Variants in FBXO46 observed in about 807,000 individuals in gnomAD.
The protein encoded by FBXO46 is F-box only protein 46.
FBXO46 carries 13 observed loss-of-function variants against 30.7 expected under a neutral mutation model. The observed-to-expected ratio is 0.42, with a 90% CI of 0.28 to 0.67. FBXO46 has a LOEUF of 0.67. Ranked by LOEUF, FBXO46 falls within the 30% of genes least tolerant of loss-of-function variation. The probability of loss-of-function intolerance (pLI) is 0.21; values close to 1 mark genes in which losing one functional copy is unlikely to be tolerated. For synonymous variants in FBXO46, 467 were observed against 385.8 expected, an observed-to-expected ratio of 1.21 and a Z score of -2.47; for missense variants, 754 against 871.5, an observed-to-expected ratio of 0.87 and a Z score of 1.70.
Position 45,724,520 on chromosome 19 carries a change from C to G in FBXO46, c.-79+6329G>C, listed in dbSNP as rs539705139. ...GCACATGGTAAGTGCTCTATTAACA[C>G]TTGTGGGCTGGGCTCTGTGGCTCAT... On this transcript the variant is annotated intron_variant, in intron 1 of 1. Coordinates refer to ENST00000317683, the MANE Select transcript of FBXO46 (RefSeq NM_001080469.2). Among the ~76,000 whole-genome samples, 36 of 152,242 alleles carry G rather than the reference C, an allele frequency of 2.4e-4. No homozygotes were observed. The East Asian group carries it at 6.6e-3, about 28-fold the overall frequency.
intron 1 of FBXO46, among the ~76,000 whole-genome samples, chr19:45,724,694 C>A (rs1001974461): frequency 6.6e-6 from 1 of 152,112 alleles, no homozygotes; most frequent in East Asian, 1.9e-4. Flanking sequence ...CTGCTCGTTA[C>A]CCAGGCTGGA....
Position 45,711,292 on chromosome 19 carries a change from G to A in FBXO46, c.*392C>T, listed in dbSNP as rs1197312655. On this transcript the variant is annotated 3_prime_UTR_variant, in exon 2 of 2. Transcript: ENST00000317683. ...ATAACAGCTCCAGCGAGAAAGAATT[G>A]GGGTGAGGGAGAGGATGGGGGCCAG... 12 of 440,610 alleles carry A rather than the reference G, an allele frequency of 2.7e-5. No individual in the cohort carries two copies. Among genetic ancestry groups the A allele is most frequent in the Non-Finnish European group, 3.5e-5 (8 of 229,116 alleles). The allele number at this position is 440,610 out of a possible 1,614,324, so 27.3% of individuals were successfully genotyped here. A position where few individuals can be genotyped will look rare whatever the true frequency, so the allele number is the denominator to read the frequency against.
At chr19:45,714,151 G>A (rs1968052168) in intron 1 of FBXO46, among the ~76,000 whole-genome samples, 1 of 151,980 alleles carries the variant, frequency 6.6e-6, no homozygotes, top group South Asian at 2.1e-4. Flanking sequence ...CAATCCAGAG[G>A]CCTTTAAACT....
At position 45,711,843 on chromosome 19, in the gene FBXO46, G is replaced by A. The variant is rs1378218745; in HGVS notation, c.1653C>T (p.Pro551=). The A allele has an allele frequency of 1.9e-5, 31 of 1,613,514 alleles. No individual in the cohort carries two copies. The highest frequency in any genetic ancestry group is 2.6e-5 in the Non-Finnish European group (31 of 1,179,774). ...GTCCGTAAGGCAGGTCATGGTGGTA[G>A]GGCTTGGGGTGCCAGCGGCAGAGCG... ...DVSLCRWHPK[P]YHHDLPYGRS... Residue 551 remains proline, a synonymous_variant, in exon 2 of 2, where the codon CCC becomes CCT. Coordinates refer to ENST00000317683, the MANE Select transcript of FBXO46 (RefSeq NM_001080469.2).
chr19:45,718,618 C>T (rs567221817), intron 1 of FBXO46, among the ~76,000 whole-genome samples: 1 of 152,134 alleles, frequency 6.6e-6, no homozygotes, highest in South Asian at 2.1e-4. Flanking sequence ...TGTTCAAATG[C>T]AGTTTTATTA....
Position 45,711,442 on chromosome 19 carries a change from T to TTAA in FBXO46, c.*241_*242insTTA. On this transcript the variant is annotated 3_prime_UTR_variant, in exon 2 of 2. Transcript: ENST00000317683. ...AATGGAGAAGAAAGTGAGATGCTGA[T>TTAA]AAAAAAAAAAAAAACACCCTTCTCA... is the stretch of plus-strand genomic sequence containing the variant. 1 of 606,566 alleles carries TTAA rather than the reference T, an allele frequency of 1.6e-6. No homozygotes were observed. The highest frequency in any genetic ancestry group is 3.0e-6 in the Non-Finnish European group (1 of 333,256). 37.6% of individuals were successfully genotyped at this position (606,566 alleles called of 1,614,324 possible).
At chr19:45,726,814 T>C (rs920884424) in intron 1 of FBXO46, among the ~76,000 whole-genome samples, 1 of 152,132 alleles carries the variant, frequency 6.6e-6, no homozygotes, top group Admixed American at 6.6e-5. Context: ...CTCAGTACCT[T>C]TTCTTGAAAG....
intron 1 of FBXO46, among the ~76,000 whole-genome samples, chr19:45,723,662 T>C (rs1968202421): frequency 6.6e-6 from 1 of 152,038 alleles, no homozygotes; most frequent in Non-Finnish European, 1.5e-5. Flanking sequence ...CCCAACTAAT[T>C]CTTCTTTTTT....
chr19:45,729,713 C>T (rs1226105724), intron 1 of FBXO46, among the ~76,000 whole-genome samples: 2 of 152,182 alleles, frequency 1.3e-5, no homozygotes, highest in Admixed American at 6.5e-5. Context: ...GCACCTACCC[C>T]TCAGGGGTGT....
chr19:45,714,446 A>C (rs1279344969), intron 1 of FBXO46: 1 of 151,838 alleles, frequency 6.6e-6, no homozygotes. Flanking sequence ...AGAAAAATGC[A>C]CACCCTTGCA....
intron 1 of FBXO46, chr19:45,714,943 C>T (rs1968068043): frequency 6.6e-6 from 1 of 152,158 alleles, no homozygotes; most frequent in Non-Finnish European, 1.5e-5. Context: ...CCTGTTCTAG[C>T]CTAGCTTTCT....
At chr19:45,725,220 C>T (rs145790418) in intron 1 of FBXO46, among the ~76,000 whole-genome samples, 1 of 152,018 alleles carries the variant, frequency 6.6e-6, no homozygotes, top group Non-Finnish European at 1.5e-5. Flanking sequence ...AGATCGAGAC[C>T]AGCCTTGGCA....
chr19:45,730,008 T>A (rs1968288484), intron 1 of FBXO46, among the ~76,000 whole-genome samples: 1 of 152,084 alleles, frequency 6.6e-6, no homozygotes, highest in Non-Finnish European at 1.5e-5. Flanking sequence ...CCACTAATAG[T>A]AACGATTTTA....
chr19:45,725,452 C>T (rs1968224883), intron 1 of FBXO46, among the ~76,000 whole-genome samples: 1 of 151,938 alleles, frequency 6.6e-6, no homozygotes, highest in Admixed American at 6.6e-5. Flanking sequence ...AACTAAAACA[C>T]TTGTGGGCCA....
At chr19:45,731,870 C>T (rs1968320088), upstream of FBXO46, among the ~76,000 whole-genome samples, 1 of 151,596 alleles carries the variant, frequency 6.6e-6, no homozygotes, top group African/African-American at 2.4e-5. Flanking sequence ...GTAGTCACAG[C>T]ACTTTGGGAG....
chr19:45,711,270 A>T lies in FBXO46; in HGVS notation c.*414T>A. The T allele has an allele frequency of 2.3e-6, 1 of 431,210 alleles. No individual in the cohort carries two copies. The highest frequency in any genetic ancestry group is 1.7e-5 in the South Asian group (1 of 58,878). 26.7% of individuals were successfully genotyped at this position (431,210 alleles called of 1,614,324 possible). A position where few individuals can be genotyped will look rare whatever the true frequency, so the allele number is the denominator to read the frequency against. On this transcript the variant is annotated 3_prime_UTR_variant, in exon 2 of 2. Transcript: ENST00000317683. ...GGGCGATGCGGCTTCTTGGGAAATA[A>T]CAGCTCCAGCGAGAAAGAATTGGGG...
rs1216630935 is a variant in FBXO46 at position 45,711,982 on chromosome 19, C to A, written c.1514G>T (p.Gly505Val). The change falls in exon 2 of 2, where the codon GGC becomes GTC. Residue 505 changes from glycine to valine, a missense_variant. By Grantham distance (109) the Gly-to-Val change is moderately radical. Around this residue, in one of 5 missense-constraint regions of FBXO46, gnomAD observed 162 missense variants for 258.7 expected, o/e 0.63. Coordinates refer to ENST00000317683, the MANE Select transcript of FBXO46 (RefSeq NM_001080469.2). Reference sequence around the variant, plus strand: ...CCGCACGCCAAACGCCTCGATGATGCCCTTGAAGTGGTGGCAGGTGCACTT... The same window carrying A: ...CCGCACGCCAAACGCCTCGATGATGACCTTGAAGTGGTGGCAGGTGCACTT... Reference protein sequence around the residue: ...ALKCTCHHFKGIIEAFGVRAT... With the variant: ...ALKCTCHHFKVIIEAFGVRAT... The A allele has an allele frequency of 6.2e-7, 1 of 1,612,558 alleles. No individual in the cohort carries two copies. The highest frequency in any genetic ancestry group is 8.5e-7 in the Non-Finnish European group (1 of 1,179,686).
chr19:45,728,110 T>C (rs972166453), intron 1 of FBXO46, among the ~76,000 whole-genome samples: 1 of 152,168 alleles, frequency 6.6e-6, no homozygotes, highest in African/African-American at 2.4e-5. Context: ...CTAATAGAGA[T>C]GGGGTTTTGC....
chr19:45,712,773 A>C lies in FBXO46; in HGVS notation c.723T>G (p.Pro241=). 6.2e-7 allele frequency: 1 copy of C among 1,610,904 alleles called. No individual in the cohort carries two copies. The highest frequency in any genetic ancestry group is 1.1e-5 in the South Asian group (1 of 90,838). ...VAHFEAQRDS[P]PTKGLRKEER... is the part of the protein sequence containing the mutation. The stretch of plus-strand genomic sequence containing the variant: ...CTTCCTTGCGGAGGCCCTTGGTGGG[A>C]GGGCTGTCCCTCTGCGCTTCAAAGT... The change falls in exon 2 of 2, where the codon CCT becomes CCG. Residue 241 remains proline, a synonymous_variant. Coordinates refer to ENST00000317683, the MANE Select transcript of FBXO46 (RefSeq NM_001080469.2). The surrounding 1 kb of genome is among the most constrained non-coding windows in gnomAD (Gnocchi z 8.8).
Sources: allele counts gnomAD v4.1 joint callset (sites outside exome capture counted in the v4.1 genomes callset), GRCh38; gene constraint gnomAD v4.1.1; regional missense constraint gnomAD v4.1.1; non-coding constraint Gnocchi (gnomAD v3.1); transcripts MANE v1.5; gene names NCBI Gene and HGNC (gene_info 2026-07-23, HGNC 2026-07-21).